Variants in ACOT11 observed in about 807,000 individuals in gnomAD.
ACOT11 encodes the protein acyl-coenzyme A thioesterase 11.
Under a neutral mutation model 77.5 loss-of-function variants are expected in ACOT11, and 69 were observed. The observed-to-expected ratio is 0.89, with a 90% CI of 0.73 to 1.09. ACOT11 has a LOEUF of 1.09. ACOT11 is among the 50% of genes least tolerant of loss of function. The pLI is 0.00. For synonymous variants in ACOT11, 279 were observed against 313.0 expected (o/e 0.89, Z 1.15); for missense variants, 766 against 813.7 (o/e 0.94, Z 0.71).
At position 54,607,918 on chromosome 1, in the gene ACOT11, C is replaced by G. The variant is rs1644048618; in HGVS notation, c.1503-24C>G. 4 of 1,613,494 alleles carry G rather than the reference C, an allele frequency of 2.5e-6. No individual in the cohort carries two copies. Among genetic ancestry groups the G allele is most frequent in the Non-Finnish European group, 3.4e-6 (4 of 1,179,720 alleles). ...TTTCTTCTGTGGCTGACCCCTGTCC[C>G]CTTGCTACCCTTCCTTCACTCAGGG... On this transcript the variant is annotated intron_variant, in intron 14 of 15. Transcript: ENST00000343744. This position sits in a 1 kb window ranked among gnomAD's most constrained non-coding sequence, Gnocchi z 4.5.
chr1:54,607,029 A>T lies in ACOT11; in HGVS notation c.1371-105A>T. The T allele has an allele frequency of 6.7e-7, 1 of 1,502,564 alleles. No individual in the cohort carries two copies. Among genetic ancestry groups the T allele is most frequent in the Non-Finnish European group, 9.0e-7 (1 of 1,110,028 alleles). 93.1% of individuals were successfully genotyped at this position (1,502,564 alleles called of 1,614,324 possible). On this transcript the variant is annotated intron_variant, in intron 13 of 15. Coordinates refer to ENST00000343744, the MANE Select transcript of ACOT11 (RefSeq NM_147161.4). The surrounding 1 kb of genome is among the most constrained non-coding windows in gnomAD (Gnocchi z 4.5). ...GCAGTACAGGGGGTGACATCCCATC[A>T]CAGAAGCTGCTCAGGCACTGCAGTG...
chr1:54,610,540 T>C, downstream of ACOT11: 1 of 1,612,448 alleles, frequency 6.2e-7, no homozygotes, highest in Non-Finnish European at 8.5e-7. Flanking sequence ...GTACATTGGT[T>C]TCCGTGTGGC....
chr1:54,618,229 C>T (rs1268147471), intron 15 of ACOT11, among the ~76,000 whole-genome samples: 4 of 152,134 alleles, frequency 2.6e-5, no homozygotes, highest in Non-Finnish European at 5.9e-5. Context: ...CTCAGCCGGG[C>T]GCGGTGGCTC....
intron 6 of ACOT11, among the ~76,000 whole-genome samples, chr1:54,595,689 C>G (rs958576304): frequency 1.3e-5 from 2 of 152,130 alleles, no homozygotes; most frequent in African/African-American, 4.8e-5. Context: ...TGTTCTATAC[C>G]AGTACAGAAA....
chr1:54,552,947 C>T (rs1435580540), intron 1 of ACOT11, among the ~76,000 whole-genome samples: 1 of 151,728 alleles, frequency 6.6e-6, no homozygotes, highest in East Asian at 2.0e-4. Flanking sequence ...CCTGCCTCAG[C>T]CTCCCAAGTA....
intron 6 of ACOT11, among the ~76,000 whole-genome samples, chr1:54,596,018 G>T (rs149318696): frequency 2.0e-5 from 3 of 152,154 alleles, no homozygotes; most frequent in East Asian, 1.9e-4. Context: ...AGTCATCAAG[G>T]CCCCTTTGAT....
Position 54,554,321 on chromosome 1 carries a change from G to A in ACOT11, c.33+5979G>A, listed in dbSNP as rs1390851201. 5.0e-4 allele frequency among the ~76,000 whole-genome samples: 41 copies of A among 81,274 alleles called. No individual in the cohort carries two copies. The East Asian group carries it at 7.0e-3, about 14-fold the overall frequency. The allele number at this position is 81,274 out of a possible 152,430, so 53.3% of individuals were successfully genotyped here. A position where few individuals can be genotyped will look rare whatever the true frequency, so the allele number is the denominator to read the frequency against. On this transcript the variant is annotated intron_variant, in intron 1 of 15. Transcript: ENST00000343744. ...TGTGTGTGTGTGTGTGTGTGTGTGTGTGTGTGTGTGTGTATATATATATAT... is the reference window on the plus strand; with the variant it reads ...TGTGTGTGTGTGTGTGTGTGTGTGTATGTGTGTGTGTGTATATATATATAT...
chr1:54,577,657 G>A (rs1654163270), intron 1 of ACOT11, among the ~76,000 whole-genome samples: 1 of 152,128 alleles, frequency 6.6e-6, no homozygotes, highest in African/African-American at 2.4e-5. Context: ...ACTTGTTTTA[G>A]TTCTTTTGGG....
chr1:54,592,475 C>G lies in ACOT11; in HGVS notation c.312-71C>G, dbSNP rs539428974. The stretch of plus-strand genomic sequence containing the variant: ...CCAGCTCCCCGCAAGAGAGGCTCTG[C>G]AAGTATCTGAGGCCCCTGTTCCTCC... On this transcript the variant is annotated intron_variant, in intron 3 of 15. Coordinates refer to ENST00000343744, the MANE Select transcript of ACOT11 (RefSeq NM_147161.4). 20 of 1,441,802 alleles carry G rather than the reference C, an allele frequency of 1.4e-5. 1 individual carries two copies. In the South Asian group the frequency reaches 2.3e-4, roughly 16 times the overall value. 89.3% of individuals were successfully genotyped at this position (1,441,802 alleles called of 1,614,324 possible).
At chr1:54,570,537 C>G (rs1449447446) in intron 1 of ACOT11, among the ~76,000 whole-genome samples, 1 of 152,140 alleles carries the variant, frequency 6.6e-6, no homozygotes, top group Non-Finnish European at 1.5e-5. Context: ...TTTTTTGAGA[C>G]AGAGTCTCGC....
Position 54,610,024 on chromosome 1 carries a change from G to T in ACOT11, c.*912G>T. 1 of 1,485,254 alleles carries T rather than the reference G, an allele frequency of 6.7e-7. No homozygotes were observed. The highest frequency in any genetic ancestry group is 8.9e-7 in the Non-Finnish European group (1 of 1,122,302). 92.0% of individuals were successfully genotyped at this position (1,485,254 alleles called of 1,614,324 possible). The stretch of plus-strand genomic sequence containing the variant: ...GAGTCCCTTGTTAAAGGGGCAGTGG[G>T]AGTTATGGGGTCATCAAGGACCTTG... On this transcript the variant is annotated 3_prime_UTR_variant, in exon 16 of 16. Transcript: ENST00000343744.
rs1170625696 is a variant in ACOT11, at chr1:54,597,387, A to T, written c.736A>T (p.Met246Leu). The change falls in exon 7 of 16, where the codon ATG (methionine) becomes TTG (leucine). Residue 246 changes from methionine (M) to leucine (L), a missense_variant. Physicochemically the swap from Met to Leu is conservative, Grantham distance 15. Transcript: ENST00000343744. Reference protein sequence around the residue: ...NTFGGQIMAWMENVATIAASR... With the variant: ...NTFGGQIMAWLENVATIAASR... ...CTTTGGGGGCCAGATCATGGCCTGGATGGAGAATGTGGCCACCATTGCAGC... is the reference window on the plus strand; with the variant it reads ...CTTTGGGGGCCAGATCATGGCCTGGTTGGAGAATGTGGCCACCATTGCAGC... The T allele has an allele frequency of 2.5e-6, 4 of 1,613,470 alleles. No individual in the cohort carries two copies. The highest frequency in any genetic ancestry group is 2.2e-5 in the East Asian group (1 of 44,850).
At chr1:54,594,088 C>T (rs1456199881) in intron 5 of ACOT11, 49 bp downstream of exon 5, 1 of 1,531,744 alleles carries the variant, frequency 6.5e-7, no homozygotes, top group East Asian at 2.3e-5. Flanking sequence ...GACCTGGGCA[C>T]CTGCCATGGC....
At chr1:54,624,322 G>T (rs1312681091) in intron 15 of ACOT11, among the ~76,000 whole-genome samples, 1 of 151,434 alleles carries the variant, frequency 6.6e-6, no homozygotes, top group Admixed American at 6.6e-5. Flanking sequence ...GTGTGAAAGG[G>T]TGTCTAGAAT....
chr1:54,604,759 G>A (rs1644005495), intron 12 of ACOT11, among the ~76,000 whole-genome samples: 1 of 152,138 alleles, frequency 6.6e-6, no homozygotes, highest in Non-Finnish European at 1.5e-5. Flanking sequence ...GCGCTTACAG[G>A]AGACCTAAGC....
chr1:54,562,575 T>C (rs1234815036), intron 1 of ACOT11, among the ~76,000 whole-genome samples: 8 of 132,780 alleles, frequency 6.0e-5, no homozygotes, highest in South Asian at 2.5e-4. Flanking sequence ...CCGGACGGGG[T>C]GGCTGCCGGG....
chr1:54,566,408 G>A (rs1226307254), intron 1 of ACOT11, among the ~76,000 whole-genome samples: 1 of 147,838 alleles, frequency 6.8e-6, no homozygotes, highest in African/African-American at 2.5e-5. Flanking sequence ...AGTGAGCCGA[G>A]ATTGTGCCAC....
At chr1:54,575,863 C>T (rs1381848957) in intron 1 of ACOT11, among the ~76,000 whole-genome samples, 3 of 152,194 alleles carry the variant, frequency 2.0e-5, no homozygotes, top group Admixed American at 1.3e-4. Context: ...AGATGGCAAG[C>T]TGCACATGAG....
chr1:54,590,831 G>A (rs865855800), intron 3 of ACOT11, among the ~76,000 whole-genome samples: 1 of 152,190 alleles, frequency 6.6e-6, no homozygotes, highest in East Asian at 1.9e-4. Flanking sequence ...CTTGGCTCAC[G>A]GCAACCTCCG....
Sources: gnomAD v4.1 joint callset for allele counts (sites outside exome capture counted in the v4.1 genomes callset) on GRCh38, gnomAD v4.1.1 for gene constraint, Gnocchi (gnomAD v3.1) non-coding constraint, MANE v1.5 for transcripts, NCBI Gene and HGNC (gene_info 2026-07-23, HGNC 2026-07-21) for gene names.